The following HPGDS variants were observed in gnomAD, a reference collection of about 807,000 sequenced individuals.
HPGDS encodes the protein GST class-sigma.
HPGDS carries 26 observed loss-of-function variants against 23.1 expected under a neutral mutation model. The observed-to-expected ratio is 1.13, with a 90% CI of 0.83 to 1.56. The LOEUF is 1.56. HPGDS is among the 40% of genes most tolerant of loss of function. The probability of loss-of-function intolerance (pLI) is 0.00; values close to 1 mark genes in which losing one functional copy is unlikely to be tolerated. For synonymous variants in HPGDS, 95 were observed against 77.9 expected, an observed-to-expected ratio of 1.22 and a Z score of -1.16; for missense variants, 268 against 236.4, an observed-to-expected ratio of 1.13 and a Z score of -0.88.
At chr4:94,319,367 T>C (rs1756459046) in intron 2 of HPGDS, among the ~76,000 whole-genome samples, 2 of 152,228 alleles carry the variant, frequency 1.3e-5, no homozygotes, top group Non-Finnish European at 2.9e-5. Flanking sequence ...TTTTATGGAA[T>C]ATTTTTTTCC....
Position 94,317,934 on chromosome 4 carries a change from T to C in HPGDS, c.165A>G (p.Glu55=). Residue 55 remains glutamate, a synonymous_variant, in exon 3 of 6, where the codon GAA becomes GAG. Transcript: ENST00000295256. ...TCTGGTGAAGAGTAAGTCCATCAACTTCCAAAATGGGGATTTTTCCAAATG... is the reference window on the plus strand; with the variant it reads ...TCTGGTGAAGAGTAAGTCCATCAACCTCCAAAATGGGGATTTTTCCAAATG... ...TLPFGKIPIL[E]VDGLTLHQSL... is the part of the protein sequence containing the mutation. The C allele has an allele frequency of 1.2e-6, 2 of 1,611,642 alleles. No individual in the cohort carries two copies. The highest frequency in any genetic ancestry group is 1.7e-6 in the Non-Finnish European group (2 of 1,178,744).
intron 3 of HPGDS, among the ~76,000 whole-genome samples, chr4:94,314,397 A>G (rs1756349283): frequency 6.6e-6 from 1 of 152,210 alleles, no homozygotes; most frequent in South Asian, 2.1e-4. Flanking sequence ...AGTTTGCCAG[A>G]GGTCCACTCC....
At chr4:94,318,866 C>T (rs1756448717) in intron 2 of HPGDS, among the ~76,000 whole-genome samples, 1 of 152,188 alleles carries the variant, frequency 6.6e-6, no homozygotes, top group South Asian at 2.1e-4. Flanking sequence ...GTTTGTGCCA[C>T]CACACCCAGA....
chr4:94,332,610 C>T (rs1756754789), intron 2 of HPGDS, among the ~76,000 whole-genome samples: 1 of 152,248 alleles, frequency 6.6e-6, no homozygotes, highest in Non-Finnish European at 1.5e-5. Context: ...TGCTTGCTTG[C>T]TCACGTGCTC....
At chr4:94,324,800 G>T (rs931522829) in intron 2 of HPGDS, among the ~76,000 whole-genome samples, 1 of 152,130 alleles carries the variant, frequency 6.6e-6, no homozygotes, top group Admixed American at 6.5e-5. Flanking sequence ...TTGTTCCATT[G>T]CTCGCAAGGA....
chr4:94,312,749 T>A (rs1756302749), intron 3 of HPGDS, among the ~76,000 whole-genome samples: 1 of 152,048 alleles, frequency 6.6e-6, no homozygotes, highest in Non-Finnish European at 1.5e-5. Flanking sequence ...TGTTAAAATC[T>A]CCCATTATTG....
chr4:94,314,488 G>A (rs1022102900), intron 3 of HPGDS, among the ~76,000 whole-genome samples: 8 of 152,264 alleles, frequency 5.3e-5, no homozygotes, highest in East Asian at 1.9e-4. Context: ...CTGCCTGATC[G>A]TTGCTCTGGA....
In HPGDS at chr4:94,299,723, C is replaced by A; in HGVS notation, c.436-79G>T. 9 of 1,300,604 alleles carry A rather than the reference C, an allele frequency of 6.9e-6. No individual in the cohort carries two copies. In the South Asian group the frequency reaches 1.3e-4, roughly 19 times the overall value. 80.6% of individuals were successfully genotyped at this position (1,300,604 alleles called of 1,614,324 possible). On this transcript the variant is annotated intron_variant, in intron 5 of 5. Transcript: ENST00000295256. ...AGCATTCCAAAATTGAAATTAGTTT[C>A]TTAATCTAAAAGATTCAAAACAATC...
intron 1 of HPGDS, among the ~76,000 whole-genome samples, chr4:94,340,784 G>A (rs1383369448): frequency 2.2e-5 from 3 of 135,116 alleles, no homozygotes; most frequent in Admixed American, 7.6e-5. Context: ...GCAGCCACCA[G>A]AGTAGCTGGG....
chr4:94,314,981 G>A (rs1344763690), intron 3 of HPGDS, among the ~76,000 whole-genome samples: 1 of 152,228 alleles, frequency 6.6e-6, no homozygotes, highest in African/African-American at 2.4e-5. Context: ...TGCTAAGACT[G>A]TCGGAAACGC....
chr4:94,320,603 G>A (rs1198973538), intron 2 of HPGDS, among the ~76,000 whole-genome samples: 3 of 152,024 alleles, frequency 2.0e-5, no homozygotes, highest in Non-Finnish European at 4.4e-5. Context: ...ACTTTTTGAT[G>A]GGGTTGTTTG....
At chr4:94,301,602 C>T (rs1480957652) in intron 5 of HPGDS, among the ~76,000 whole-genome samples, 3 of 152,094 alleles carry the variant, frequency 2.0e-5, no homozygotes, top group Admixed American at 2.0e-4. Context: ...ATCTCTATCT[C>T]CGTTCTCCCA....
chr4:94,340,311 C>CTTTTTTTTT (rs869240610), intron 1 of HPGDS, among the ~76,000 whole-genome samples: 5 of 23,678 alleles, frequency 2.1e-4, no homozygotes, highest in Admixed American at 6.1e-4. Context: ...CTTTCTTTCT[C>CTTTTTTTTT]TTTTTTTTTT....
At position 94,334,486 on chromosome 4, in the gene HPGDS, T is replaced by A. The variant is rs2289186; in HGVS notation, c.133+11A>T. 6.4e-7 allele frequency: 1 copy of A among 1,568,212 alleles called. No homozygotes were observed. The highest frequency in any genetic ancestry group is 8.6e-7 in the Non-Finnish European group (1 of 1,159,372). On this transcript the variant is annotated intron_variant, in intron 2 of 5. Transcript: ENST00000295256. Reference sequence around the variant, plus strand: ...CATATTTTTCCTACATTTATTATTTTTGCTACTTACTTGATTTGATTTCAG... The same window carrying A: ...CATATTTTTCCTACATTTATTATTTATGCTACTTACTTGATTTGATTTCAG...
At chr4:94,326,335 C>T (rs1212071800) in intron 2 of HPGDS, among the ~76,000 whole-genome samples, 1 of 152,018 alleles carries the variant, frequency 6.6e-6, no homozygotes, top group Non-Finnish European at 1.5e-5. Flanking sequence ...TCCCAAAATC[C>T]CCAAATTCAA....
intron 2 of HPGDS, among the ~76,000 whole-genome samples, chr4:94,321,494 G>T (rs1446431536): frequency 2.6e-5 from 4 of 152,106 alleles, no homozygotes; most frequent in African/African-American, 9.7e-5. Context: ...TTTTAAGTTG[G>T]ATTCCTAGGT....
At chr4:94,324,464 C>T (rs1033562762) in intron 2 of HPGDS, among the ~76,000 whole-genome samples, 4 of 152,056 alleles carry the variant, frequency 2.6e-5, no homozygotes, top group African/African-American at 9.7e-5. Context: ...TTTCTTTTTA[C>T]TCTTTTCTCT....
intron 1 of HPGDS, among the ~76,000 whole-genome samples, chr4:94,339,849 C>G (rs1022062877): frequency 6.6e-6 from 1 of 152,122 alleles, no homozygotes; most frequent in East Asian, 1.9e-4. Context: ...CCCATACTGA[C>G]TTCATGGTAG....
chr4:94,319,585 C>T (rs1318082824), intron 2 of HPGDS, among the ~76,000 whole-genome samples: 1 of 151,986 alleles, frequency 6.6e-6, no homozygotes, highest in Non-Finnish European at 1.5e-5. Flanking sequence ...TTGATTTTTT[C>T]TCTTTCTCAT....
Sources: allele counts gnomAD v4.1 joint callset (sites outside exome capture counted in the v4.1 genomes callset), GRCh38; gene constraint gnomAD v4.1.1; transcripts MANE v1.5; gene names NCBI Gene and HGNC (gene_info 2026-07-23, HGNC 2026-07-21).